Variants in DYNLT5 observed in about 807,000 individuals in gnomAD.
DYNLT5 encodes dynein light chain Tctex-type family member 5.
DYNLT5 carries 25 observed loss-of-function variants against 19.3 expected under a neutral mutation model. The ratio of observed to expected loss-of-function variants is 1.30; its 90% confidence interval spans 0.95 to 1.81. DYNLT5 has a LOEUF of 1.81. Ranked by LOEUF, DYNLT5 falls within the 40% of genes most tolerant of loss-of-function variation. The pLI is 0.00. For missense variants in DYNLT5, 232 were observed against 217.9 expected (o/e 1.06, Z -0.41); for synonymous variants, 82 against 68.9 (o/e 1.19, Z -0.94).
intron 2 of DYNLT5, among the ~76,000 whole-genome samples, chr1:66,760,513 T>A (rs2150861280): frequency 6.6e-6 from 1 of 152,382 alleles, no homozygotes; most frequent in African/African-American, 2.4e-5. Flanking sequence ...AGACATAAGA[T>A]GCATTTACAG....
At chr1:66,769,839 T>C (rs575630348) in intron 2 of DYNLT5, among the ~76,000 whole-genome samples, 7 of 152,204 alleles carry the variant, frequency 4.6e-5, no homozygotes, top group Middle Eastern at 3.2e-3. Flanking sequence ...ATTATAGTTT[T>C]GGTGAATTGC....
chr1:66,752,649 C>T, intron 1 of DYNLT5, 65 bp downstream of exon 1: 1 of 955,562 alleles, frequency 1.0e-6, no homozygotes, highest in Non-Finnish European at 1.2e-6. Flanking sequence ...AAGGGATCGG[C>T]CCTTTGTTGA....
intron 2 of DYNLT5, among the ~76,000 whole-genome samples, chr1:66,769,990 A>G (rs1287896396): frequency 6.6e-6 from 1 of 152,042 alleles, no homozygotes; most frequent in Admixed American, 6.6e-5. Context: ...GCTTCCTCAT[A>G]TGTCCCCCAG....
chr1:66,768,952 C>T lies in DYNLT5; in HGVS notation c.120-1435C>T, dbSNP rs139986687. Reference sequence around the variant, plus strand: ...AATGGGTAGAATAATGAATCTTTTACTTACCTCAAAGGATATTGTGAAAGT... The same window carrying T: ...AATGGGTAGAATAATGAATCTTTTATTTACCTCAAAGGATATTGTGAAAGT... On this transcript the variant is annotated intron_variant, in intron 2 of 4. Transcript: ENST00000282670. Among the ~76,000 whole-genome samples, 433 of 152,266 alleles carry T rather than the reference C, an allele frequency of 2.8e-3. 3 individuals are homozygous for T. Among genetic ancestry groups the T allele is most frequent in the African/African-American group, 1.0e-2 (414 of 41,554 alleles).
chr1:66,769,506 A>G (rs543803641), intron 2 of DYNLT5, among the ~76,000 whole-genome samples: 67 of 151,184 alleles, frequency 4.4e-4, no homozygotes, highest in African/African-American at 1.6e-3. Context: ...CTGCTTAGAA[A>G]AGTGGTCACT....
intron 2 of DYNLT5, among the ~76,000 whole-genome samples, chr1:66,756,220 C>T (rs2094635762): frequency 6.6e-6 from 1 of 152,176 alleles, no homozygotes; most frequent in African/African-American, 2.4e-5. Context: ...GTTTTGGACT[C>T]CCAAACAAAA....
chr1:66,768,603 G>T (rs1421995263), intron 2 of DYNLT5: 1 of 152,186 alleles, frequency 6.6e-6, no homozygotes, highest in Non-Finnish European at 1.5e-5. Flanking sequence ...AACTGATAGT[G>T]AAGACAGTTT....
intron 1 of DYNLT5, among the ~76,000 whole-genome samples, chr1:66,754,137 G>C (rs1276141353): frequency 6.6e-6 from 1 of 151,980 alleles, no homozygotes; most frequent in Non-Finnish European, 1.5e-5. Context: ...CTACTCAGGT[G>C]GCTGAGTTGG....
intron 2 of DYNLT5, among the ~76,000 whole-genome samples, chr1:66,755,281 T>G (rs537767008): frequency 1.3e-5 from 2 of 152,144 alleles, no homozygotes; most frequent in African/African-American, 4.8e-5. Flanking sequence ...TTTGTTTCCA[T>G]TTTTTTTCTT....
At chr1:66,773,302 A>G (rs1645214539) in intron 3 of DYNLT5, among the ~76,000 whole-genome samples, 1 of 152,108 alleles carries the variant, frequency 6.6e-6, no homozygotes, top group African/African-American at 2.4e-5. Flanking sequence ...TAGAAAGTAG[A>G]TCCAAAATAT....
chr1:66,758,116 CA>C (rs35948228), intron 2 of DYNLT5, among the ~76,000 whole-genome samples: 107,418 of 152,066 alleles, frequency 0.71, 39,176 homozygotes, highest in Non-Finnish European at 0.76. Context: ...TAACAAGCAG[CA>C]AAAATGGGCT....
At position 66,769,849 on chromosome 1, in the gene DYNLT5, C is replaced by T. The variant is rs1000398110; in HGVS notation, c.120-538C>T. On this transcript the variant is annotated intron_variant, in intron 2 of 4. Coordinates refer to ENST00000282670, the MANE Select transcript of DYNLT5 (RefSeq NM_152665.3). Reference sequence around the variant, plus strand: ...AATGTATTATAGTTTTGGTGAATTGCGGTTTCCTCTACCACGTAGATGAGT... The same window carrying T: ...AATGTATTATAGTTTTGGTGAATTGTGGTTTCCTCTACCACGTAGATGAGT... Among the ~76,000 whole-genome samples the T allele has an allele frequency of 1.1e-4, 16 of 152,192 alleles. No homozygotes were observed. In the East Asian group the frequency reaches 2.5e-3, roughly 24 times the overall value.
At chr1:66,776,125 C>G (rs1169980207) in intron 3 of DYNLT5, 154 bp from the exon 4 acceptor site, 7 of 950,754 alleles carry the variant, frequency 7.4e-6, no homozygotes, top group South Asian at 2.2e-5. Context: ...GAGCACTTGA[C>G]AGGAAACCTA....
chr1:66,763,313 T>C (rs2094649057), intron 2 of DYNLT5, among the ~76,000 whole-genome samples: 1 of 152,220 alleles, frequency 6.6e-6, no homozygotes, highest in African/African-American at 2.4e-5. Context: ...AGATTTAGCA[T>C]AATTCTCAAG....
In DYNLT5 at chr1:66,778,678, T is replaced by A. The variant is rs2150870780; in HGVS notation, c.*1224T>A. 6.5e-6 allele frequency: 1 copy of A among 152,738 alleles called. No homozygotes were observed. Among genetic ancestry groups the A allele is most frequent in the Non-Finnish European group, 1.5e-5 (1 of 68,026 alleles). The allele number at this position is 152,738 out of a possible 1,614,324, so 9.5% of individuals were successfully genotyped here. A position where few individuals can be genotyped will look rare whatever the true frequency, so the allele number is the denominator to read the frequency against. On this transcript the variant is annotated 3_prime_UTR_variant, in exon 5 of 5. Coordinates refer to ENST00000282670, the MANE Select transcript of DYNLT5 (RefSeq NM_152665.3). ...ACCAGTTAATGCTTTAATTTTAAAATGTTTTGGTGTCTTACTTTTCCCTAA... is the reference window on the plus strand; with the variant it reads ...ACCAGTTAATGCTTTAATTTTAAAAAGTTTTGGTGTCTTACTTTTCCCTAA...
intron 2 of DYNLT5, among the ~76,000 whole-genome samples, chr1:66,762,634 A>G (rs2094648000): frequency 6.6e-6 from 1 of 152,246 alleles, no homozygotes; most frequent in African/African-American, 2.4e-5. Flanking sequence ...TACTTTGCCC[A>G]GATCCATCAG....
Position 66,777,455 on chromosome 1 carries a change from T to C in DYNLT5, c.*1T>C, listed in dbSNP as rs780964310. 23 of 1,610,752 alleles carry C rather than the reference T, an allele frequency of 1.4e-5. No homozygotes were observed. Among genetic ancestry groups the C allele is most frequent in the Non-Finnish European group, 1.5e-5 (18 of 1,178,242 alleles). ...TGTCTATGCAGTTTACCTTGAGTGA[T>C]TGAAAATAAGAAATCTAGCTCTTAC... On this transcript the variant is annotated 3_prime_UTR_variant, in exon 5 of 5. Transcript: ENST00000282670.
In DYNLT5 at chr1:66,752,481, G is replaced by A. The variant is rs570766543; in HGVS notation, c.-107G>A. ...CTCAGAGTCCAGGGAGAGTGCGCGGGCGGCCGCCGGCTGAATGAAGCCTGG... is the reference window on the plus strand; with the variant it reads ...CTCAGAGTCCAGGGAGAGTGCGCGGACGGCCGCCGGCTGAATGAAGCCTGG... On this transcript the variant is annotated 5_prime_UTR_variant, in exon 1 of 5. Transcript: ENST00000282670. 1.5e-5 allele frequency: 15 copies of A among 985,548 alleles called. No individual in the cohort carries two copies. The African/African-American group carries it at 2.6e-4, about 17-fold the overall frequency. 61.1% of individuals were successfully genotyped at this position (985,548 alleles called of 1,614,324 possible). A position where few individuals can be genotyped will look rare whatever the true frequency, so the allele number is the denominator to read the frequency against.
intron 2 of DYNLT5, among the ~76,000 whole-genome samples, chr1:66,764,965 T>A (rs2094652050): frequency 6.6e-6 from 1 of 152,150 alleles, no homozygotes; most frequent in South Asian, 2.1e-4. Flanking sequence ...AGTTCCCAAG[T>A]AAAGGAGTTT....
Sources: allele counts gnomAD v4.1 joint callset (sites outside exome capture counted in the v4.1 genomes callset), GRCh38; gene constraint gnomAD v4.1.1; transcripts MANE v1.5; gene names NCBI Gene and HGNC (gene_info 2026-07-23, HGNC 2026-07-21).